The following CD8B variants were observed in gnomAD, a reference collection of about 807,000 sequenced individuals.
CD8B encodes the protein CD8 subunit beta.
CD8B carries 6 observed loss-of-function variants against 24.2 expected under a neutral mutation model. The ratio of observed to expected loss-of-function variants is 0.25; its 90% CI spans 0.14 to 0.49. CD8B has a LOEUF of 0.49. CD8B is among the 20% of genes least tolerant of loss of function. The pLI, the probability that CD8B is intolerant of heterozygous loss-of-function variation, is 0.98. For synonymous variants in CD8B, 84 were observed against 108.3 expected (o/e 0.78, Z 1.39); for missense variants, 196 against 271.3 (o/e 0.72, Z 1.95).
rs58311096 is a variant in CD8B at position 86,848,701 on chromosome 2, A to ATTAATTAATTAT, written c.494-1929_494-1928insATAATTAATTAA. On this transcript the variant is annotated intron_variant, in intron 3 of 5. Transcript: ENST00000390655. ...GGAAGAAAGGTATTGGTATTTTTAA[A>ATTAATTAATTAT]TTATTTATTTATTTATTTATTTATT... Among the ~76,000 whole-genome samples the ATTAATTAATTAT allele has an allele frequency of 4.4e-4, 26 of 58,878 alleles. 2 individuals are homozygous for ATTAATTAATTAT. The highest frequency in any genetic ancestry group is 1.6e-3 in the African/African-American group (19 of 11,754). 38.6% of individuals were successfully genotyped at this position (58,878 alleles called of 152,430 possible).
At chr2:86,853,122 G>C in intron 2 of CD8B, 36 bp from the exon 3 acceptor site, 2 of 1,547,996 alleles carry the variant, frequency 1.3e-6, no homozygotes, top group Non-Finnish European at 1.7e-6. Flanking sequence ...TCTTAGCCAA[G>C]TGAACACCAC....
downstream of CD8B, among the ~76,000 whole-genome samples, chr2:86,833,946 G>A (rs191113725): frequency 3.8e-4 from 58 of 152,002 alleles, no homozygotes; most frequent in African/African-American, 1.3e-3. Flanking sequence ...ACCGTGCCCG[G>A]CCAAATCATT....
chr2:86,848,598 G>C (rs1056802130), intron 3 of CD8B, among the ~76,000 whole-genome samples: 1 of 151,890 alleles, frequency 6.6e-6, no homozygotes, highest in African/African-American at 2.4e-5. Context: ...AAGCATTGTG[G>C]ATGTCAAGGA....
At chr2:86,833,110 C>A in intron 5 of CD8B, 1 of 308,072 alleles carries the variant, frequency 3.2e-6, no homozygotes, top group Non-Finnish European at 6.5e-6. Context: ...TCCTGTGTTA[C>A]AAAAAAGGAT....
At chr2:86,827,483 G>T (rs1272433538) in intron 5 of CD8B, among the ~76,000 whole-genome samples, 2 of 152,146 alleles carry the variant, frequency 1.3e-5, no homozygotes, top group Non-Finnish European at 2.9e-5. Context: ...AATTAGCCAG[G>T]CATGGTGGCA....
chr2:86,821,326 C>T (rs1460515337), intron 5 of CD8B, among the ~76,000 whole-genome samples: 1 of 152,090 alleles, frequency 6.6e-6, no homozygotes, highest in Non-Finnish European at 1.5e-5. Context: ...ATTTCTAAGA[C>T]GCCATTGAGC....
rs1397756224 is a variant in CD8B, at chr2:86,858,231, T to C, written c.229A>G (p.Lys77Glu). The C allele has an allele frequency of 1.2e-6, 2 of 1,614,030 alleles. No individual in the cohort carries two copies. The highest frequency in any genetic ancestry group is 2.2e-5 in the South Asian group (2 of 91,078). The stretch of plus-strand genomic sequence containing the variant: ...ACCTCTTCACCGTGGATAGTCCCTT[T>C]TGCGGAATCCCAGAGGGCCAGGAAC... ...HEFLALWDSA[K>E]GTIHGEEVEQ... The change falls in exon 2 of 6, where the codon AAA becomes GAA. Residue 77 changes from lysine to glutamate, a missense_variant. Lys to Glu is a moderately conservative substitution (Grantham distance 56, BLOSUM62 1). Transcript: ENST00000390655.
intron 5 of CD8B, among the ~76,000 whole-genome samples, chr2:86,819,545 A>G (rs1210391169): frequency 1.3e-5 from 2 of 152,244 alleles, no homozygotes; most frequent in Non-Finnish European, 1.5e-5. Flanking sequence ...ATGACAGCAC[A>G]TCTGTTTAGA....
intron 2 of CD8B, 88 bp from the exon 3 acceptor site, chr2:86,853,174 G>A: frequency 6.5e-7 from 1 of 1,545,922 alleles, no homozygotes; most frequent in Non-Finnish European, 8.7e-7. Context: ...CGGGTGCGGT[G>A]GCTCATGCCT....
rs1674345081 is a variant in CD8B, at chr2:86,818,493, C to G, written c.621-2775G>C. On this transcript the variant is annotated intron_variant, in intron 5 of 5. Coordinates refer to the CD8B transcript ENST00000331469. ...CCTTTTAATAATTCTTGCAATACCT[C>G]AAACTTTTTCATTATTATTGTGTCT... Among the ~76,000 whole-genome samples the G allele has an allele frequency of 2.0e-5, 3 of 152,146 alleles. No homozygotes were observed. In the South Asian group the frequency reaches 6.2e-4, roughly 32 times the overall value.
chr2:86,858,574 A>G (rs905602499), intron 1 of CD8B, among the ~76,000 whole-genome samples, 158 bp from the exon 2 acceptor site: 6 of 140,254 alleles, frequency 4.3e-5, no homozygotes, highest in African/African-American at 1.7e-4. Flanking sequence ...TGGCTCCTGG[A>G]CTCAGAGTTC....
intron 2 of CD8B, among the ~76,000 whole-genome samples, chr2:86,856,646 C>T (rs1389536245): frequency 1.3e-5 from 2 of 151,734 alleles, no homozygotes; most frequent in Non-Finnish European, 2.9e-5. Flanking sequence ...AGTGGGAGCC[C>T]TGGAGGGGGT....
At chr2:86,818,676 GC>G (rs531313687) in intron 5 of CD8B, among the ~76,000 whole-genome samples, 272 of 152,152 alleles carry the variant, frequency 1.8e-3, no homozygotes, top group Non-Finnish European at 3.0e-3. Flanking sequence ...TTCTCCTTAG[GC>G]CCCCCTATGC....
chr2:86,844,611 T>C (rs1293473366), intron 5 of CD8B: 1 of 1,425,896 alleles, frequency 7.0e-7, no homozygotes, highest in African/African-American at 1.4e-5. Context: ...TCTCTTAGGT[T>C]CCTGAACTCT....
chr2:86,850,479 A>G (rs1218842035), intron 3 of CD8B, among the ~76,000 whole-genome samples: 1 of 152,208 alleles, frequency 6.6e-6, no homozygotes, highest in Non-Finnish European at 1.5e-5. Flanking sequence ...CCTGGTGTAT[A>G]ATAGCATCTC....
In CD8B at chr2:86,824,185, G is replaced by A. The variant is rs541237051; in HGVS notation, c.621-8467C>T. ...TCAACACTGAGGAACAAGTGCCAAT[G>A]CTTCATGCAGGGCACAACCTCTGCC... On this transcript the variant is annotated intron_variant, in intron 5 of 5. Coordinates refer to the CD8B transcript ENST00000331469. Among the ~76,000 whole-genome samples, 3 of 110,734 alleles carry A rather than the reference G, an allele frequency of 2.7e-5. No individual in the cohort carries two copies. In the East Asian group the frequency reaches 6.3e-4, roughly 23 times the overall value. 72.6% of individuals were successfully genotyped at this position (110,734 alleles called of 152,430 possible).
intron 5 of CD8B, among the ~76,000 whole-genome samples, chr2:86,830,658 A>C (rs557036304): frequency 1.3e-5 from 2 of 150,938 alleles, no homozygotes; most frequent in South Asian, 2.1e-4. Context: ...TTGCTGGTTC[A>C]AAAAAAAATA....
chr2:86,839,689 A>C lies in CD8B; in HGVS notation c.*2618T>G, dbSNP rs1353435938. On this transcript the variant is annotated 3_prime_UTR_variant, in exon 6 of 6. Coordinates refer to ENST00000390655, the MANE Select transcript of CD8B (RefSeq NM_004931.5). ...CCACCCCTGCCCCCAGCCCAACCCC[A>C]TGAGAACTTGTGAACAAGTACATGC... Among the ~76,000 whole-genome samples the C allele has an allele frequency of 6.6e-6, 1 of 152,214 alleles. No homozygotes were observed. Among genetic ancestry groups the C allele is most frequent in the Non-Finnish European group, 1.5e-5 (1 of 68,036 alleles).
At chr2:86,816,209 C>A (rs929242264) in intron 5 of CD8B, among the ~76,000 whole-genome samples, 1 of 152,202 alleles carries the variant, frequency 6.6e-6, no homozygotes, top group East Asian at 1.9e-4. Flanking sequence ...TAAAAAATTT[C>A]TCTCAGGAGA....
Sources: gnomAD v4.1 joint callset for allele counts (sites outside exome capture counted in the v4.1 genomes callset) on GRCh38, gnomAD v4.1.1 for gene constraint, MANE v1.5 for transcripts, NCBI Gene and HGNC (gene_info 2026-07-23, HGNC 2026-07-21) for gene names.